The following FRMD4A variants were observed in gnomAD, a reference collection of about 807,000 sequenced individuals.
FRMD4A encodes the protein FERM domain-containing protein 4A.
FRMD4A carries 29 observed loss-of-function variants against 129.1 expected under a neutral mutation model. That is an observed-to-expected ratio of 0.22 (90% CI 0.17 to 0.31). FRMD4A has a LOEUF of 0.31. Ranked by LOEUF, FRMD4A falls within the 10% of genes least tolerant of loss-of-function variation. The pLI is 1.00. For synonymous variants in FRMD4A, 634 were observed against 571.6 expected, an observed-to-expected ratio of 1.11 and a Z score of -1.56; for missense variants, 1,272 against 1,375.8, an observed-to-expected ratio of 0.92 and a Z score of 1.19.
chr10:14,200,395 G>A (rs1842601301), intron 2 of FRMD4A, among the ~76,000 whole-genome samples: 1 of 138,968 alleles, frequency 7.2e-6, no homozygotes. Context: ...CTAGGTTCAA[G>A]TGATTCTCCC....
At chr10:13,867,893 C>CAATAAATAATATATATAATATAATATAT (rs2094394417) in intron 2 of FRMD4A, among the ~76,000 whole-genome samples, 1 of 136,234 alleles carries the variant, frequency 7.3e-6, no homozygotes, top group Admixed American at 7.8e-5. Flanking sequence ...ATATAATATA[C>CAATAAATAATATATATAATATAATATAT]AATAAATAAT....
intron 2 of FRMD4A, among the ~76,000 whole-genome samples, chr10:14,106,664 A>C (rs1271759403): frequency 6.6e-6 from 1 of 152,194 alleles, no homozygotes; most frequent in Non-Finnish European, 1.5e-5. Flanking sequence ...CTCACATGAC[A>C]GCCTCAGAAA....
At chr10:13,812,449 C>A (rs1341218605) in intron 3 of FRMD4A, among the ~76,000 whole-genome samples, 1 of 152,148 alleles carries the variant, frequency 6.6e-6, no homozygotes, top group Non-Finnish European at 1.5e-5. Context: ...CATGCTGGCA[C>A]CCTGATATTG....
intron 2 of FRMD4A, among the ~76,000 whole-genome samples, chr10:14,271,196 C>T (rs1845152245): frequency 6.6e-6 from 1 of 152,350 alleles, no homozygotes; most frequent in South Asian, 2.1e-4. Context: ...CAGTCTCCAC[C>T]TCCAACACTG....
intron 2 of FRMD4A, among the ~76,000 whole-genome samples, chr10:13,885,342 C>T (rs1182846484): frequency 1.3e-5 from 2 of 152,182 alleles, no homozygotes; most frequent in Non-Finnish European, 2.9e-5. Context: ...CAGTAATTCA[C>T]CCAAGGCCAC....
chr10:13,672,565 C>A (rs1407754965), intron 16 of FRMD4A, among the ~76,000 whole-genome samples: 2 of 152,096 alleles, frequency 1.3e-5, no homozygotes, highest in East Asian at 3.8e-4. Flanking sequence ...TCACCATCCA[C>A]TTGAAGGTAT....
Position 13,982,502 on chromosome 10 carries a change from G to GGGGA in FRMD4A, c.46-123594_46-123591dup, listed in dbSNP as rs1565153426. On this transcript the variant is annotated intron_variant, in intron 2 of 24. Coordinates refer to ENST00000357447, the MANE Select transcript of FRMD4A (RefSeq NM_018027.5). ...AGGGGAGGGGAGGGGAGGGGAGGGG[G>GGGGA]GGGAAGGGATCCTCTGACCTACCTT... Among the ~76,000 whole-genome samples, 123 of 110,470 alleles carry GGGGA rather than the reference G, an allele frequency of 1.1e-3. 6 individuals carry two copies. Among genetic ancestry groups the GGGGA allele is most frequent in the African/African-American group, 4.2e-3 (101 of 24,328 alleles). 72.5% of individuals were successfully genotyped at this position (110,470 alleles called of 152,430 possible).
intron 2 of FRMD4A, among the ~76,000 whole-genome samples, chr10:14,011,537 A>C (rs2095682369): frequency 6.6e-6 from 1 of 152,170 alleles, no homozygotes; most frequent in South Asian, 2.1e-4. Context: ...TCTGCCTTCC[A>C]ATCTCCTGGC....
intron 12 of FRMD4A, among the ~76,000 whole-genome samples, chr10:13,726,881 AC>A (rs1028637501): frequency 7.3e-5 from 11 of 151,470 alleles, no homozygotes; most frequent in African/African-American, 2.7e-4. Context: ...GGTGTGAGCC[AC>A]CTAGCCTGGC....
chr10:13,926,446 T>C, intron 2 of FRMD4A, among the ~76,000 whole-genome samples: 1 of 152,168 alleles, frequency 6.6e-6, no homozygotes, highest in African/African-American at 2.4e-5. Context: ...ACCAAGGCAA[T>C]TCCAGTCCAT....
chr10:13,767,859 C>T (rs2092336010), intron 6 of FRMD4A, among the ~76,000 whole-genome samples: 1 of 152,072 alleles, frequency 6.6e-6, no homozygotes. Flanking sequence ...TGGAATCTAG[C>T]CTGGGAATCT....
intron 2 of FRMD4A, among the ~76,000 whole-genome samples, chr10:14,320,942 C>T (rs572467046): frequency 1.2e-4 from 18 of 152,364 alleles, no homozygotes; most frequent in African/African-American, 3.8e-4. Flanking sequence ...GCAACCTCTT[C>T]TAAGAAGGCG....
At chr10:14,162,316 T>G (rs1316219285) in intron 2 of FRMD4A, among the ~76,000 whole-genome samples, 1 of 152,202 alleles carries the variant, frequency 6.6e-6, no homozygotes, top group African/African-American at 2.4e-5. Flanking sequence ...TGGTAAATTG[T>G]GATTGCTGTC....
intron 2 of FRMD4A, among the ~76,000 whole-genome samples, chr10:14,190,988 C>T (rs149627007): frequency 2.1e-4 from 32 of 152,278 alleles, no homozygotes; most frequent in Non-Finnish European, 2.9e-4. Flanking sequence ...AAGCTGGTTC[C>T]GTGCAGACCC....
At chr10:14,238,096 TC>T (rs940954971) in intron 2 of FRMD4A, among the ~76,000 whole-genome samples, 43 of 152,302 alleles carry the variant, frequency 2.8e-4, no homozygotes, top group African/African-American at 9.9e-4. Flanking sequence ...CTGAGAACTT[TC>T]CCAGCAATTT....
intron 2 of FRMD4A, 95 bp from the exon 3 acceptor site, chr10:13,859,007 C>T (rs1306138443): frequency 2.6e-6 from 2 of 776,058 alleles, no homozygotes; most frequent in African/African-American, 1.7e-5. Context: ...GCATATTCCT[C>T]TGGGCAAAAC....
At chr10:13,803,970 C>T (rs777290721) in intron 4 of FRMD4A, among the ~76,000 whole-genome samples, 27 of 152,320 alleles carry the variant, frequency 1.8e-4, no homozygotes, top group South Asian at 2.1e-4. Context: ...GGGAGAAAGC[C>T]GCATCCCTAA....
chr10:13,703,953 C>T (rs150772669), intron 13 of FRMD4A, among the ~76,000 whole-genome samples: 27 of 152,128 alleles, frequency 1.8e-4, no homozygotes, highest in African/African-American at 6.5e-4. Flanking sequence ...TGCAGTGAGC[C>T]GAGATGGCGC....
intron 2 of FRMD4A, among the ~76,000 whole-genome samples, chr10:14,326,014 G>C (rs985110383): frequency 2.0e-5 from 3 of 152,042 alleles, no homozygotes; most frequent in African/African-American, 7.2e-5. Flanking sequence ...TGTGAATTGA[G>C]TTTTTATACA....
Sources: gnomAD v4.1 joint callset for allele counts (sites outside exome capture counted in the v4.1 genomes callset) on GRCh38, gnomAD v4.1.1 for gene constraint, MANE v1.5 for transcripts, NCBI Gene and HGNC (gene_info 2026-07-23, HGNC 2026-07-21) for gene names.